Variants in RARRES1 observed in about 807,000 individuals in gnomAD.
The protein encoded by RARRES1 is retinoic acid receptor responder 1.
A neutral mutation model predicts 30.6 loss-of-function variants in RARRES1; 34 were observed. The ratio of observed to expected loss-of-function variants is 1.11; its 90% CI spans 0.84 to 1.48. RARRES1 has a LOEUF of 1.48. Ranked by LOEUF, RARRES1 falls within the 40% of genes most tolerant of loss-of-function variation. The pLI is 0.00. For missense variants in RARRES1, 373 were observed against 386.5 expected (o/e 0.97, Z 0.29); for synonymous variants, 153 against 155.5 (o/e 0.98, Z 0.12).
chr3:158,701,248 G>A (rs534623607), intron 4 of RARRES1, among the ~76,000 whole-genome samples: 1 of 152,148 alleles, frequency 6.6e-6, no homozygotes, highest in East Asian at 1.9e-4. Flanking sequence ...CATATATCCC[G>A]TGTTCTTGGC....
intron 1 of RARRES1, among the ~76,000 whole-genome samples, chr3:158,724,994 A>G (rs1054905362): frequency 5.9e-5 from 9 of 152,058 alleles, no homozygotes; most frequent in African/African-American, 1.9e-4. Flanking sequence ...CATGTGGCTA[A>G]CTTATTTTTT....
chr3:158,720,315 G>C (rs1387636889), intron 1 of RARRES1, among the ~76,000 whole-genome samples: 1 of 149,628 alleles, frequency 6.7e-6, no homozygotes, highest in Non-Finnish European at 1.5e-5. Flanking sequence ...GATGCTCTTG[G>C]ACTGCTTGTA....
chr3:158,706,854 C>T (rs151166980), intron 3 of RARRES1, among the ~76,000 whole-genome samples: 2 of 152,180 alleles, frequency 1.3e-5, no homozygotes, highest in East Asian at 3.9e-4. Context: ...TCAAGAAAGT[C>T]ATGAAGGTGG....
At chr3:158,724,735 A>T (rs1168341642) in intron 1 of RARRES1, among the ~76,000 whole-genome samples, 2 of 152,302 alleles carry the variant, frequency 1.3e-5, no homozygotes, top group East Asian at 3.9e-4. Flanking sequence ...AATTACTGTG[A>T]TCCTTAATGT....
intron 1 of RARRES1, among the ~76,000 whole-genome samples, chr3:158,722,952 A>G (rs923837367): frequency 2.6e-5 from 4 of 152,128 alleles, no homozygotes; most frequent in Admixed American, 6.6e-5. Context: ...TGGAGCAAAT[A>G]AAAGAGCAGG....
Position 158,697,973 on chromosome 3 carries a change from A to T in RARRES1, c.673-3T>A. 6.6e-7 allele frequency: 1 copy of T among 1,503,918 alleles called. No homozygotes were observed. The highest frequency in any genetic ancestry group is 9.2e-7 in the Non-Finnish European group (1 of 1,085,998). The allele number at this position is 1,503,918 out of a possible 1,614,324, so 93.2% of individuals were successfully genotyped here. A position where few individuals can be genotyped will look rare whatever the true frequency, so the allele number is the denominator to read the frequency against. On this transcript the variant is annotated splice_region_variant and splice_polypyrimidine_tract_variant and intron_variant, in intron 4 of 5. Coordinates refer to ENST00000237696, the MANE Select transcript of RARRES1 (RefSeq NM_206963.2). ...TCAATTGTATCATCATTAGTTTTCT[A>T]GAGGGAGAAAAAAGAGTTAGTGTAA...
intron 1 of RARRES1, among the ~76,000 whole-genome samples, chr3:158,727,256 T>C (rs529509971): frequency 2.0e-4 from 30 of 152,368 alleles, no homozygotes; most frequent in Non-Finnish European, 4.1e-4. Flanking sequence ...AGATAGATGA[T>C]AAATGTACAC....
At chr3:158,717,416 A>T (rs1727356120) in intron 1 of RARRES1, among the ~76,000 whole-genome samples, 1 of 152,226 alleles carries the variant, frequency 6.6e-6, no homozygotes, top group African/African-American at 2.4e-5. Context: ...TAGTCTAGGG[A>T]TCAGGGAAGC....
chr3:158,710,926 A>G lies in RARRES1; in HGVS notation c.347T>C (p.Leu116Pro). ...STERYNPESL[L>P]QEGEGRLGKC... ...CCCCAAACGTCCCTCACCTTCCTGA[A>G]GTAAAGACTGTGGAGTTAAACAGGA... The change falls in exon 3 of 6, where the codon CTT becomes CCT. Residue 116 changes from leucine (L) to proline (P), a missense_variant. Physicochemically the swap from Leu to Pro is moderately conservative, Grantham distance 98. Transcript: ENST00000237696. 6.2e-7 allele frequency: 1 copy of G among 1,613,626 alleles called. No homozygotes were observed. Among genetic ancestry groups the G allele is most frequent in the Non-Finnish European group, 8.5e-7 (1 of 1,179,710 alleles).
intron 3 of RARRES1, among the ~76,000 whole-genome samples, chr3:158,708,447 C>T (rs1351318287): frequency 6.6e-6 from 1 of 152,164 alleles, no homozygotes; most frequent in Admixed American, 6.5e-5. Context: ...ATTCCCAGGT[C>T]TTCAATCTTT....
Position 158,732,366 on chromosome 3 carries a change from C to T in RARRES1, c.50G>A (p.Gly17Asp). 2.7e-6 allele frequency: 4 copies of T among 1,476,532 alleles called. No homozygotes were observed. Among genetic ancestry groups the T allele is most frequent in the Non-Finnish European group, 3.6e-6 (4 of 1,120,240 alleles). 91.5% of individuals were successfully genotyped at this position (1,476,532 alleles called of 1,614,324 possible). A position where few individuals can be genotyped will look rare whatever the true frequency, so the allele number is the denominator to read the frequency against. Reference sequence around the variant, plus strand: ...GAGCAGCGGGGCGGTGGGGCGCGGGCCCCTGGGCCCGGACCAGGGAGCAGG... The same window carrying T: ...GAGCAGCGGGGCGGTGGGGCGCGGGTCCCTGGGCCCGGACCAGGGAGCAGG... ...RLPAPWSGPR[G>D]PRPTAPLLAL... is the part of the protein sequence containing the mutation. The change falls in exon 1 of 6, where the codon GGC becomes GAC. Residue 17 changes from glycine (G) to aspartate (D), a missense_variant. Transcript: ENST00000237696.
chr3:158,720,273 T>TGAGAGAGAGAGAGAGA (rs968371151), intron 1 of RARRES1, among the ~76,000 whole-genome samples: 13 of 144,452 alleles, frequency 9.0e-5, no homozygotes, highest in Middle Eastern at 3.2e-3. Context: ...TGTATGTGTG[T>TGAGAGAGAGAGAGAGA]GAGAGAGAGA....
chr3:158,713,442 C>T (rs891501723), intron 2 of RARRES1, among the ~76,000 whole-genome samples: 1 of 152,018 alleles, frequency 6.6e-6, no homozygotes, highest in Non-Finnish European at 1.5e-5. Flanking sequence ...CACCCTCTGA[C>T]AGGAAGAGAG....
intron 1 of RARRES1, among the ~76,000 whole-genome samples, chr3:158,727,692 A>C (rs1285445246): frequency 6.6e-6 from 1 of 152,336 alleles, no homozygotes; most frequent in South Asian, 2.1e-4. Flanking sequence ...CCACCACTCC[A>C]ACTGTGGGTC....
chr3:158,730,319 CA>C (rs58772915), intron 1 of RARRES1, among the ~76,000 whole-genome samples: 32,671 of 79,200 alleles, frequency 0.41, 5,120 homozygotes, highest in Middle Eastern at 0.51. Flanking sequence ...GACTCTGTCT[CA>C]AAAAAAAAAA....
intron 1 of RARRES1, among the ~76,000 whole-genome samples, chr3:158,716,821 C>T (rs942554082): frequency 6.6e-6 from 1 of 152,158 alleles, no homozygotes; most frequent in Non-Finnish European, 1.5e-5. Context: ...TCAGCTCAGG[C>T]AATCCGCCTG....
intron 3 of RARRES1, among the ~76,000 whole-genome samples, chr3:158,708,829 G>T (rs1305341075): frequency 6.6e-6 from 1 of 152,052 alleles, no homozygotes; most frequent in Non-Finnish European, 1.5e-5. Flanking sequence ...ACCATGCCTG[G>T]CTATTTTTCA....
intron 1 of RARRES1, among the ~76,000 whole-genome samples, chr3:158,714,130 G>A (rs1727241758): frequency 6.6e-6 from 1 of 152,096 alleles, no homozygotes; most frequent in African/African-American, 2.4e-5. Flanking sequence ...AGCAGCTAAA[G>A]GAGAAAAGAA....
chr3:158,730,732 G>T (rs984888875), intron 1 of RARRES1, among the ~76,000 whole-genome samples: 4 of 151,966 alleles, frequency 2.6e-5, no homozygotes, highest in Non-Finnish European at 5.9e-5. Context: ...GATTACAGGC[G>T]TGAGCCACCA....
Sources: allele counts gnomAD v4.1 joint callset (sites outside exome capture counted in the v4.1 genomes callset), GRCh38; gene constraint gnomAD v4.1.1; transcripts MANE v1.5; gene names NCBI Gene and HGNC (gene_info 2026-07-23, HGNC 2026-07-21).